Variants in SCARB2 observed in about 807,000 individuals in gnomAD.
SCARB2 encodes lysosome membrane protein 2.
Under a neutral mutation model 58.6 loss-of-function variants are expected in SCARB2, and 29 were observed. That is an observed-to-expected ratio of 0.49 (90% CI 0.37 to 0.67). The LOEUF is 0.67. Among genes scored for constraint, SCARB2 ranks in the 30% least tolerant of loss-of-function variants. The pLI is 0.00. For missense variants in SCARB2, 488 were observed against 578.5 expected (o/e 0.84, Z 1.60); for synonymous variants, 195 against 210.1 (o/e 0.93, Z 0.62).
In SCARB2 at chr4:76,175,776, C is replaced by G; in HGVS notation, c.824+15G>C. 2 of 1,613,718 alleles carry G rather than the reference C, an allele frequency of 1.2e-6. No individual in the cohort carries two copies. The highest frequency in any genetic ancestry group is 1.7e-6 in the Non-Finnish European group (2 of 1,179,928). On this transcript the variant is annotated intron_variant, in intron 6 of 11. Transcript: ENST00000264896. The stretch of plus-strand genomic sequence containing the variant: ...ACCTTATTTTTGAAAAAGAACTTAT[C>G]TTTAAAGCTTTTACCTGCAAAAGTC...
At chr4:76,200,286 G>A (rs1732803542) in intron 1 of SCARB2, among the ~76,000 whole-genome samples, 2 of 152,194 alleles carry the variant, frequency 1.3e-5, no homozygotes, top group East Asian at 3.8e-4. Context: ...GTTTTACAGT[G>A]TGACTCTGGA....
chr4:76,198,229 T>G (rs2109962928), intron 1 of SCARB2, among the ~76,000 whole-genome samples: 1 of 152,348 alleles, frequency 6.6e-6, no homozygotes, highest in Admixed American at 6.5e-5. Flanking sequence ...AGATCTCATT[T>G]ATTTGTTCAT....
intron 1 of SCARB2, among the ~76,000 whole-genome samples, chr4:76,221,122 T>C (rs571734617): frequency 7.4e-4 from 113 of 152,276 alleles, no homozygotes; most frequent in African/African-American, 2.6e-3. Context: ...CAAGGCCACT[T>C]TCCCATACCT....
At chr4:76,202,331 G>A (rs953638871) in intron 1 of SCARB2, among the ~76,000 whole-genome samples, 1 of 151,868 alleles carries the variant, frequency 6.6e-6, no homozygotes, top group African/African-American at 2.4e-5. Context: ...GGCATGACTC[G>A]GCTCACCACA....
upstream of SCARB2, among the ~76,000 whole-genome samples, chr4:76,217,312 C>T (rs1733225855): frequency 6.6e-6 from 1 of 152,154 alleles, no homozygotes; most frequent in South Asian, 2.1e-4. Flanking sequence ...CAGGACTCTT[C>T]CTGGTGACTT....
At chr4:76,207,791 T>G (rs909316060) in intron 1 of SCARB2, among the ~76,000 whole-genome samples, 1 of 152,228 alleles carries the variant, frequency 6.6e-6, no homozygotes, top group Non-Finnish European at 1.5e-5. Context: ...ATGGCCCCTC[T>G]GCTGTGGCCT....
At chr4:76,163,148 G>A (rs912847429) in intron 11 of SCARB2, 77 bp downstream of exon 11, 1 of 1,564,444 alleles carries the variant, frequency 6.4e-7, no homozygotes, top group African/African-American at 1.3e-5. Context: ...CCAGCTGACA[G>A]CCCTTCAGTG....
In SCARB2 at chr4:76,174,190, T is replaced by C. The variant is rs771851582; in HGVS notation, c.948A>G (p.Gly316=). The C allele has an allele frequency of 1.2e-6, 2 of 1,614,160 alleles. No individual in the cohort carries two copies. Among genetic ancestry groups the C allele is most frequent in the South Asian group, 2.2e-5 (2 of 91,076 alleles). Residue 316 remains glycine (G), a synonymous_variant, in exon 7 of 12, where the codon GGA becomes GGG. Transcript: ENST00000264896. ...SDNAGFCIPE[G]NCLGSGVLNV... Reference sequence around the variant, plus strand: ...TCAGAACTCCTGAGCCCAGGCAGTTTCCCTCAGGTATACAGAAGCCGGCAT... The same window carrying C: ...TCAGAACTCCTGAGCCCAGGCAGTTCCCCTCAGGTATACAGAAGCCGGCAT...
Position 76,161,516 on chromosome 4 carries a change from G to A in SCARB2, c.*197C>T. 4.8e-6 allele frequency: 3 copies of A among 618,914 alleles called. No homozygotes were observed. The highest frequency in any genetic ancestry group is 8.7e-6 in the Non-Finnish European group (3 of 346,208). 38.3% of individuals were successfully genotyped at this position (618,914 alleles called of 1,614,324 possible). ...AAAAGAACAATTTCAGAGCCCACATGATTTTATAAAGCTTAATGGCCAGCC... is the reference window on the plus strand; with the variant it reads ...AAAAGAACAATTTCAGAGCCCACATAATTTTATAAAGCTTAATGGCCAGCC... On this transcript the variant is annotated 3_prime_UTR_variant, in exon 12 of 12. Coordinates refer to ENST00000264896, the MANE Select transcript of SCARB2 (RefSeq NM_005506.4).
At position 76,168,442 on chromosome 4, in the gene SCARB2, A is replaced by C; in HGVS notation, c.1148T>G (p.Phe383Cys). ...TGIILKAAKR[F>C]QINIYVKKLD... Reference sequence around the variant, plus strand: ...TTTTTTGACATAAATGTTGATTTGGAACCTCTTGGCTGCTTTTAGGATTAT... The same window carrying C: ...TTTTTTGACATAAATGTTGATTTGGCACCTCTTGGCTGCTTTTAGGATTAT... The change falls in exon 9 of 12, where the codon TTC becomes TGC. Residue 383 changes from phenylalanine (F) to cysteine (C), a missense_variant. By Grantham distance (205) the Phe-to-Cys change is radical. Transcript: ENST00000264896. The C allele has an allele frequency of 6.2e-7, 1 of 1,614,190 alleles. No individual in the cohort carries two copies. The highest frequency in any genetic ancestry group is 8.5e-7 in the Non-Finnish European group (1 of 1,180,008).
chr4:76,172,008 A>G (rs1423613199), intron 7 of SCARB2, among the ~76,000 whole-genome samples: 1 of 150,060 alleles, frequency 6.7e-6, no homozygotes, highest in African/African-American at 2.4e-5. Context: ...GTATACCTAT[A>G]TATATATACT....
At chr4:76,204,288 T>C (rs1157468528) in intron 1 of SCARB2, among the ~76,000 whole-genome samples, 2 of 152,248 alleles carry the variant, frequency 1.3e-5, no homozygotes, top group Non-Finnish European at 2.9e-5. Flanking sequence ...TCTTATTCCC[T>C]GACCTTATTT....
At chr4:76,205,314 A>T (rs1410738247) in intron 1 of SCARB2, among the ~76,000 whole-genome samples, 1 of 152,022 alleles carries the variant, frequency 6.6e-6, no homozygotes, top group Non-Finnish European at 1.5e-5. Flanking sequence ...TGACAGAGAG[A>T]AGCCCTATCT....
intron 3 of SCARB2, chr4:76,180,025 T>G: frequency 2.6e-6 from 1 of 389,810 alleles, no homozygotes; most frequent in Non-Finnish European, 4.9e-6. Context: ...TGGCGCTACC[T>G]TCCGCCTAAG....
intron 1 of SCARB2, among the ~76,000 whole-genome samples, chr4:76,222,835 A>C (rs1304804919): frequency 6.6e-6 from 1 of 152,212 alleles, no homozygotes; most frequent in Non-Finnish European, 1.5e-5. Context: ...TATTTCTACC[A>C]TGGAGGACTA....
upstream of SCARB2, among the ~76,000 whole-genome samples, chr4:76,215,070 C>T (rs550960309): frequency 3.3e-5 from 5 of 152,376 alleles, no homozygotes; most frequent in Non-Finnish European, 5.9e-5. Flanking sequence ...CCTTAGTATC[C>T]CTGCTGTGCT....
intron 4 of SCARB2, 66 bp downstream of exon 4, chr4:76,179,451 T>A: frequency 9.0e-7 from 1 of 1,114,342 alleles, no homozygotes; most frequent in Non-Finnish European, 1.4e-6. Context: ...AAAGTTAATC[T>A]GGCTTGGGGT....
upstream of SCARB2, chr4:76,214,022 CCCGG>C (rs1733145283): frequency 3.8e-6 from 1 of 261,708 alleles, no homozygotes; most frequent in African/African-American, 2.4e-5. Context: ...CTGAGCCAGG[CCCGG>C]CCTGGCCGCT....
Position 76,161,219 on chromosome 4 carries a change from T to G in SCARB2, c.*494A>C. ...AATCAGATGCATTTGAATGATATAT[T>G]GGATGAAGCTACCATTTTACCCTGG... is the stretch of plus-strand genomic sequence containing the variant. On this transcript the variant is annotated 3_prime_UTR_variant, in exon 12 of 12. Transcript: ENST00000264896. The G allele has an allele frequency of 6.1e-6, 1 of 163,498 alleles. No individual in the cohort carries two copies. Among genetic ancestry groups the G allele is most frequent in the Non-Finnish European group, 1.4e-5 (1 of 73,846 alleles). 10.1% of individuals were successfully genotyped at this position (163,498 alleles called of 1,614,324 possible).
Sources: allele counts gnomAD v4.1 joint callset (sites outside exome capture counted in the v4.1 genomes callset), GRCh38; gene constraint gnomAD v4.1.1; transcripts MANE v1.5; gene names NCBI Gene and HGNC (gene_info 2026-07-23, HGNC 2026-07-21).